Variants in KCNMA1 observed in about 807,000 individuals in gnomAD.
KCNMA1 encodes potassium calcium-activated channel subfamily M alpha 1.
A neutral mutation model predicts 140.0 loss-of-function variants in KCNMA1; 29 were observed. That is an observed-to-expected ratio of 0.21 (90% CI 0.15 to 0.28). The LOEUF is 0.28. Among genes scored for constraint, KCNMA1 ranks in the 10% least tolerant of loss-of-function variants. KCNMA1 has a pLI of 1.00. For synonymous variants in KCNMA1, 612 were observed against 611.9 expected, an observed-to-expected ratio of 1.00 and a Z score of 0.00; for missense variants, 880 against 1,602.2, an observed-to-expected ratio of 0.55 and a Z score of 7.70.
At chr10:77,045,660 C>G (rs926512801) in intron 14 of KCNMA1, among the ~76,000 whole-genome samples, 1 of 152,212 alleles carries the variant, frequency 6.6e-6, no homozygotes, top group African/African-American at 2.4e-5. Context: ...ATCCCAGGTT[C>G]TGTGTGTGTC....
At position 77,224,776 on chromosome 10, in the gene KCNMA1, C is replaced by T. The variant is rs1240822165; in HGVS notation, c.602+26419G>A. ...CTGTGGGAGCTACTTAGTTAATCTG[C>T]ACCCTAATGTCCTCATCCATCAAAT... is the stretch of plus-strand genomic sequence containing the variant. On this transcript the variant is annotated intron_variant, in intron 3 of 27. Transcript: ENST00000286628. Among the ~76,000 whole-genome samples the T allele has an allele frequency of 2.0e-5, 3 of 152,156 alleles. No individual in the cohort carries two copies. In the East Asian group the frequency reaches 5.8e-4, roughly 29 times the overall value.
intron 19 of KCNMA1, among the ~76,000 whole-genome samples, chr10:76,986,144 C>T (rs948696918): frequency 3.2e-4 from 48 of 152,140 alleles, no homozygotes; most frequent in African/African-American, 9.9e-4. Flanking sequence ...GAAAAGGAGG[C>T]GAGTGTGTAG....
At chr10:77,461,228 C>CT (rs5786288) in intron 1 of KCNMA1, among the ~76,000 whole-genome samples, 143,384 of 146,946 alleles carry the variant, frequency 0.98, 69,959 homozygotes, top group South Asian at 0.99. Context: ...TGTACTCCCT[C>CT]TTTTTTTTTT....
At chr10:77,487,309 A>G (rs925585912) in intron 1 of KCNMA1, among the ~76,000 whole-genome samples, 1 of 152,160 alleles carries the variant, frequency 6.6e-6, no homozygotes, top group African/African-American at 2.4e-5. Context: ...AATGAAGAAG[A>G]CCAAGATTCA....
intron 1 of KCNMA1, among the ~76,000 whole-genome samples, chr10:77,583,401 C>T (rs2076395776): frequency 6.6e-6 from 1 of 152,206 alleles, no homozygotes; most frequent in Non-Finnish European, 1.5e-5. Context: ...GAATATTTCT[C>T]ACATAGGGAC....
intron 15 of KCNMA1, among the ~76,000 whole-genome samples, chr10:77,035,893 A>G (rs1304869290): frequency 6.6e-6 from 1 of 152,200 alleles, no homozygotes; most frequent in East Asian, 1.9e-4. Context: ...GTGATGGTTA[A>G]TATTGAGTGT....
chr10:77,479,038 G>A (rs528666917), intron 1 of KCNMA1, among the ~76,000 whole-genome samples: 1 of 152,312 alleles, frequency 6.6e-6, no homozygotes, highest in African/African-American at 2.4e-5. Context: ...AACGAATCAT[G>A]AACAGTAGTA....
chr10:77,182,481 TG>T (rs1328261752), intron 5 of KCNMA1, among the ~76,000 whole-genome samples: 1 of 152,172 alleles, frequency 6.6e-6, no homozygotes, highest in African/African-American at 2.4e-5. Flanking sequence ...TGTGTGCACA[TG>T]TGAAGGCCTG....
chr10:77,636,413 C>A (rs1227865110), intron 1 of KCNMA1: 4 of 1,536,132 alleles, frequency 2.6e-6, no homozygotes, highest in Non-Finnish European at 3.5e-6. Context: ...CTAGCCACCT[C>A]GAGCGCCAGG....
At chr10:76,907,843 A>C (rs904072827) in intron 25 of KCNMA1, among the ~76,000 whole-genome samples, 1 of 152,202 alleles carries the variant, frequency 6.6e-6, no homozygotes, top group Non-Finnish European at 1.5e-5. Flanking sequence ...CCCAGCCCCA[A>C]GTCTCTTTTG....
chr10:77,601,137 A>T (rs117371111), intron 1 of KCNMA1, among the ~76,000 whole-genome samples: 1 of 152,144 alleles, frequency 6.6e-6, no homozygotes, highest in Non-Finnish European at 1.5e-5. Flanking sequence ...CCTTTGCAAA[A>T]TGTATTCAGA....
chr10:77,076,896 C>G (rs890318203), intron 13 of KCNMA1, among the ~76,000 whole-genome samples: 1 of 152,040 alleles, frequency 6.6e-6, no homozygotes, highest in Admixed American at 6.6e-5. Context: ...AGCCCGTTGT[C>G]CAATTATGAA....
chr10:77,280,017 A>G (rs1180510777), intron 2 of KCNMA1, among the ~76,000 whole-genome samples: 1 of 152,186 alleles, frequency 6.6e-6, no homozygotes, highest in Admixed American at 6.5e-5. Flanking sequence ...TCGAACCCAC[A>G]GTACATCCCC....
At chr10:76,957,673 A>G (rs79548083) in intron 20 of KCNMA1, among the ~76,000 whole-genome samples, 4,600 of 152,302 alleles carry the variant, frequency 0.03, 180 homozygotes, top group African/African-American at 0.095. Flanking sequence ...AGACACAGCT[A>G]GAAGAATTTT....
chr10:77,134,997 CAAAAAA>C (rs71028253), intron 5 of KCNMA1, among the ~76,000 whole-genome samples: 25 of 11,762 alleles, frequency 2.1e-3, no homozygotes, highest in Middle Eastern at 0.2. Context: ...GACTCTGTCT[CAAAAAA>C]AAAAAAAAAA....
At chr10:77,296,230 G>T (rs2075071194) in intron 2 of KCNMA1, among the ~76,000 whole-genome samples, 1 of 152,158 alleles carries the variant, frequency 6.6e-6, no homozygotes. Flanking sequence ...AATCAGAGAA[G>T]AAGATGTGCC....
chr10:77,138,039 A>T (rs2574797), intron 5 of KCNMA1, among the ~76,000 whole-genome samples: 18,869 of 152,076 alleles, frequency 0.12, 2,749 homozygotes, highest in East Asian at 0.73. Context: ...ACATCAGTTG[A>T]TATTCAGACT....
chr10:77,631,105 CCAAA>C (rs1393435212), intron 1 of KCNMA1, among the ~76,000 whole-genome samples: 1 of 90,118 alleles, frequency 1.1e-5, no homozygotes, highest in African/African-American at 4.1e-5. Context: ...AGACCCTGTC[CCAAA>C]AAAAAAAAAA....
intron 20 of KCNMA1, among the ~76,000 whole-genome samples, chr10:76,955,282 C>T (rs886516522): frequency 2.3e-4 from 35 of 151,274 alleles, no homozygotes; most frequent in South Asian, 2.1e-4. Context: ...GAAATGTCTC[C>T]GATACTTCCC....
Sources: gnomAD v4.1 joint callset for allele counts (sites outside exome capture counted in the v4.1 genomes callset) on GRCh38, gnomAD v4.1.1 for gene constraint, MANE v1.5 for transcripts, NCBI Gene and HGNC (gene_info 2026-07-23, HGNC 2026-07-21) for gene names.